The following AKR1D1 variants were observed in gnomAD, a reference collection of about 807,000 sequenced individuals.
The protein encoded by AKR1D1 is delta(4)-3-ketosteroid 5-beta-reductase.
Under a neutral mutation model 42.6 loss-of-function variants are expected in AKR1D1, and 32 were observed. That is an observed-to-expected ratio of 0.75 (90% CI 0.57 to 1.01). The LOEUF is 1.01. Among genes scored for constraint, AKR1D1 ranks in the 50% least tolerant of loss-of-function variants. AKR1D1 has a pLI of 0.00. For synonymous variants in AKR1D1, 123 were observed against 135.5 expected, an observed-to-expected ratio of 0.91 and a Z score of 0.64; for missense variants, 364 against 402.2, an observed-to-expected ratio of 0.91 and a Z score of 0.81.
intron 4 of AKR1D1, among the ~76,000 whole-genome samples, chr7:138,098,622 A>G (rs1036108253): frequency 8.5e-5 from 13 of 152,204 alleles, no homozygotes; most frequent in African/African-American, 2.9e-4. Flanking sequence ...AAACAGGAAC[A>G]ACAACAAAAA....
chr7:138,081,370 C>A (rs1287723150), intron 1 of AKR1D1, among the ~76,000 whole-genome samples: 1 of 152,146 alleles, frequency 6.6e-6, no homozygotes, highest in East Asian at 1.9e-4. Context: ...CCAAGATCCA[C>A]TCTCACACAC....
At chr7:138,090,661 A>G (rs888632594) in intron 2 of AKR1D1, among the ~76,000 whole-genome samples, 8 of 151,970 alleles carry the variant, frequency 5.3e-5, no homozygotes, top group Non-Finnish European at 7.4e-5. Flanking sequence ...AAGAAAAAAG[A>G]AAAGTATGAT....
At position 138,105,445 on chromosome 7, in the gene AKR1D1, T is replaced by C. The variant is rs764457028; in HGVS notation, c.579+16T>C. The C allele has an allele frequency of 3.7e-6, 6 of 1,613,572 alleles. No individual in the cohort carries two copies. The highest frequency in any genetic ancestry group is 3.3e-5 in the South Asian group (3 of 91,054). On this transcript the variant is annotated intron_variant, in intron 5 of 8. Coordinates refer to ENST00000242375, the MANE Select transcript of AKR1D1 (RefSeq NM_005989.4). Reference sequence around the variant, plus strand: ...CAGCAACCAGGTACAGCCTAATAGCTTCCACTAGGGTGTGGGGAGTGGGGG... The same window carrying C: ...CAGCAACCAGGTACAGCCTAATAGCCTCCACTAGGGTGTGGGGAGTGGGGG...
intron 3 of AKR1D1, among the ~76,000 whole-genome samples, chr7:138,093,230 G>A (rs994290490): frequency 1.3e-5 from 2 of 151,696 alleles, no homozygotes; most frequent in South Asian, 2.1e-4. Context: ...CATCACACCC[G>A]GCTAAGTTTT....
chr7:138,106,807 C>G lies in AKR1D1; in HGVS notation c.689+90C>G. ...TTTGATTGGAATGCCTTTTGGTTTG[C>G]CTGTGCAACCTCTTCAAGTCATTAT... On this transcript the variant is annotated intron_variant, in intron 6 of 8. Coordinates refer to ENST00000242375, the MANE Select transcript of AKR1D1 (RefSeq NM_005989.4). 7.5e-6 allele frequency: 7 copies of G among 931,464 alleles called. No homozygotes were observed. The South Asian group carries it at 9.3e-5, about 12-fold the overall frequency. 57.7% of individuals were successfully genotyped at this position (931,464 alleles called of 1,614,324 possible).
At position 138,105,305 on chromosome 7, in the gene AKR1D1, A is replaced by G. The variant is rs765872947; in HGVS notation, c.457-2A>G. 4 of 1,614,100 alleles carry G rather than the reference A, an allele frequency of 2.5e-6. No homozygotes were observed. Among genetic ancestry groups the G allele is most frequent in the Non-Finnish European group, 1.7e-6 (2 of 1,180,000 alleles). On this transcript the variant is annotated splice_acceptor_variant, in intron 4 of 8. Coordinates refer to ENST00000242375, the MANE Select transcript of AKR1D1 (RefSeq NM_005989.4). LOFTEE classifies it high-confidence loss of function. ...GTTGACCTGTGGACATTTACTCTAC[A>G]GGCGATGGAAGCTTGCAAAGACGCT...
chr7:138,105,199 A>C, intron 4 of AKR1D1, 108 bp from the exon 5 acceptor site: 2 of 1,501,560 alleles, frequency 1.3e-6, no homozygotes, highest in Non-Finnish European at 1.8e-6. Flanking sequence ...ATGCTTATTA[A>C]CATACCCAGG....
At chr7:138,107,824 T>C (rs935686596) in intron 7 of AKR1D1, among the ~76,000 whole-genome samples, 2 of 152,158 alleles carry the variant, frequency 1.3e-5, no homozygotes, top group Admixed American at 1.3e-4. Context: ...TCTTTCCTTA[T>C]CTACTTTTTA....
intron 1 of AKR1D1, among the ~76,000 whole-genome samples, chr7:138,076,974 A>T (rs1802951706): frequency 6.6e-6 from 1 of 152,184 alleles, no homozygotes; most frequent in African/African-American, 2.4e-5. Context: ...ACAAACACCT[A>T]GTGAATACTT....
chr7:138,108,789 G>C (rs1187688838), intron 7 of AKR1D1, among the ~76,000 whole-genome samples: 1 of 152,166 alleles, frequency 6.6e-6, no homozygotes, highest in African/African-American at 2.4e-5. Context: ...AAAACATAAA[G>C]AGAGTGCATC....
In AKR1D1 at chr7:138,109,613, G is replaced by A. The variant is rs1008474924; in HGVS notation, c.855+2033G>A. ...AAGTTAACAGACAGCTCCACTAGAA[G>A]GGGGAAGGAAAGTTCGTAAAAAGAA... On this transcript the variant is annotated intron_variant, in intron 7 of 8. Transcript: ENST00000242375. Among the ~76,000 whole-genome samples the A allele has an allele frequency of 5.3e-5, 8 of 152,260 alleles. No individual in the cohort carries two copies. The East Asian group carries it at 1.5e-3, about 29-fold the overall frequency.
chr7:138,091,506 T>C (rs1794076018), intron 2 of AKR1D1, among the ~76,000 whole-genome samples: 1 of 152,160 alleles, frequency 6.6e-6, no homozygotes, highest in Non-Finnish European at 1.5e-5. Flanking sequence ...ATCATAAACA[T>C]ATTTTTGTGA....
At chr7:138,109,642 A>G (rs3805362) in intron 7 of AKR1D1, among the ~76,000 whole-genome samples, 23,091 of 152,198 alleles carry the variant, frequency 0.15, 1,842 homozygotes, top group South Asian at 0.18. Context: ...AAAAGAAAAA[A>G]GGCGAAAAGA....
At chr7:138,114,800 A>C (rs908991264) in intron 8 of AKR1D1, among the ~76,000 whole-genome samples, 1 of 152,032 alleles carries the variant, frequency 6.6e-6, no homozygotes, top group Non-Finnish European at 1.5e-5. Context: ...CCAGTTCTTC[A>C]AATCACCTGA....
At chr7:138,103,658 C>A (rs899693499) in intron 4 of AKR1D1, among the ~76,000 whole-genome samples, 1 of 151,616 alleles carries the variant, frequency 6.6e-6, no homozygotes, top group African/African-American at 2.4e-5. Context: ...TCACCAAATA[C>A]CGGAAAAAGT....
chr7:138,096,269 G>GA (rs374152034), intron 3 of AKR1D1, among the ~76,000 whole-genome samples: 64 of 146,504 alleles, frequency 4.4e-4, no homozygotes, highest in African/African-American at 1.1e-3. Flanking sequence ...TCCTTTAAAA[G>GA]AAAAAAAAAA....
At chr7:138,093,152 TC>T (rs1268289328) in intron 3 of AKR1D1, among the ~76,000 whole-genome samples, 1 of 151,454 alleles carries the variant, frequency 6.6e-6, no homozygotes, top group Non-Finnish European at 1.5e-5. Context: ...CACTGCAACT[TC>T]CGCCTCCCGG....
In AKR1D1 at chr7:138,107,562, G is replaced by A. The variant is rs752632024; in HGVS notation, c.837G>A (p.Arg279=). ...TTCCTAAAAGCTTTAATCTTGAAAG[G>A]ATCAAAGAAAATTTTCAGGTAAGAG... The part of the protein sequence containing the change: ...VVIPKSFNLE[R]IKENFQIFDF... Residue 279 remains arginine, a synonymous_variant, in exon 7 of 9, where the codon AGG becomes AGA. Transcript: ENST00000242375. 5.6e-6 allele frequency: 9 copies of A among 1,613,856 alleles called. No individual in the cohort carries two copies. The highest frequency in any genetic ancestry group is 7.6e-6 in the Non-Finnish European group (9 of 1,179,976).
chr7:138,080,498 T>C (rs1445008150), intron 1 of AKR1D1, among the ~76,000 whole-genome samples: 1 of 152,210 alleles, frequency 6.6e-6, no homozygotes, highest in Non-Finnish European at 1.5e-5. Flanking sequence ...CCAGGTAAAT[T>C]TGAACTTCAG....
Sources: gnomAD v4.1 joint callset for allele counts (sites outside exome capture counted in the v4.1 genomes callset) on GRCh38, gnomAD v4.1.1 for gene constraint, MANE v1.5 for transcripts, NCBI Gene and HGNC (gene_info 2026-07-23, HGNC 2026-07-21) for gene names.